Variants in FSIP1 observed in about 807,000 individuals in gnomAD.
FSIP1 encodes fibrous sheath-interacting protein 1.
Under a neutral mutation model 60.9 loss-of-function variants are expected in FSIP1, and 65 were observed. That is an observed-to-expected ratio of 1.07 (90% CI 0.87 to 1.31). FSIP1 has a LOEUF of 1.31. FSIP1 is among the 40% of genes most tolerant of loss of function. FSIP1 has a pLI of 0.00. For synonymous variants in FSIP1, 209 were observed against 221.2 expected (o/e 0.94, Z 0.49); for missense variants, 675 against 665.5 (o/e 1.01, Z -0.16).
intron 11 of FSIP1, among the ~76,000 whole-genome samples, chr15:39,615,654 G>A (rs888514194): frequency 1.3e-5 from 2 of 151,386 alleles, no homozygotes; most frequent in African/African-American, 4.9e-5. Context: ...TTGGGAGGCC[G>A]AGGTGGGCAG....
At chr15:39,684,964 A>C (rs1220346830) in intron 10 of FSIP1, among the ~76,000 whole-genome samples, 1 of 152,210 alleles carries the variant, frequency 6.6e-6, no homozygotes, top group African/African-American at 2.4e-5. Context: ...AAACACAGGC[A>C]ATCTGGCTCC....
At chr15:39,615,197 A>T in intron 11 of FSIP1, among the ~76,000 whole-genome samples, 1 of 152,230 alleles carries the variant, frequency 6.6e-6, no homozygotes, top group Non-Finnish European at 1.5e-5. Context: ...GCTCCATGAC[A>T]TTGGTCTGAG....
intron 9 of FSIP1, among the ~76,000 whole-genome samples, chr15:39,724,451 A>G (rs1271426144): frequency 2.6e-5 from 4 of 151,986 alleles, no homozygotes; most frequent in Non-Finnish European, 5.9e-5. Flanking sequence ...ACAGGGTTGC[A>G]CCGTGTTAGC....
chr15:39,654,447 T>C (rs1892994915), intron 10 of FSIP1, among the ~76,000 whole-genome samples: 1 of 152,248 alleles, frequency 6.6e-6, no homozygotes, highest in Non-Finnish European at 1.5e-5. Flanking sequence ...GTATATGCAG[T>C]ACTTCAATGA....
At chr15:39,679,783 T>C (rs762574444) in intron 10 of FSIP1, among the ~76,000 whole-genome samples, 10 of 152,234 alleles carry the variant, frequency 6.6e-5, no homozygotes, top group Non-Finnish European at 1.5e-5. Flanking sequence ...AACAACATTA[T>C]CACAAACAAC....
At chr15:39,701,029 G>A (rs1053868265) in intron 10 of FSIP1, among the ~76,000 whole-genome samples, 2 of 152,168 alleles carry the variant, frequency 1.3e-5, no homozygotes, top group African/African-American at 4.8e-5. Flanking sequence ...GTGCGTGCCT[G>A]TAGTCCCAGC....
At chr15:39,628,668 G>A (rs1026890735) in intron 10 of FSIP1, among the ~76,000 whole-genome samples, 6 of 152,184 alleles carry the variant, frequency 3.9e-5, no homozygotes, top group Non-Finnish European at 7.3e-5. Context: ...CTCTCTGAAA[G>A]CAATAGAAAG....
At chr15:39,773,759 G>GTA (rs1566922608) in intron 2 of FSIP1, among the ~76,000 whole-genome samples, 1 of 152,158 alleles carries the variant, frequency 6.6e-6, no homozygotes, top group Non-Finnish European at 1.5e-5. Context: ...AAAAGCCAGC[G>GTA]TGAAAAGCTA....
rs79748509 is a variant in FSIP1 at position 39,652,584 on chromosome 15, T to C, written c.1189-34339A>G. The stretch of plus-strand genomic sequence containing the variant: ...TTTTCTTAATCTTGGATCCTACTTA[T>C]CTAAGCAGGCTTCCTTTCTACTGGA... On this transcript the variant is annotated intron_variant, in intron 10 of 11. Transcript: ENST00000350221. 3.3e-3 allele frequency among the ~76,000 whole-genome samples: 508 copies of C among 152,374 alleles called. 1 individual carries two copies. Among genetic ancestry groups the C allele is most frequent in the East Asian group, 0.011 (56 of 5,190 alleles).
intron 10 of FSIP1, among the ~76,000 whole-genome samples, chr15:39,618,546 A>C (rs963260554): frequency 3.3e-5 from 5 of 152,306 alleles, no homozygotes; most frequent in South Asian, 4.1e-4. Context: ...CTGGGGATTC[A>C]GCACTCCCAT....
chr15:39,692,479 G>GA (rs1389150577), intron 10 of FSIP1, among the ~76,000 whole-genome samples: 2 of 151,654 alleles, frequency 1.3e-5, no homozygotes, highest in African/African-American at 2.4e-5. Flanking sequence ...AGCACTTTAG[G>GA]AAAAAAAATA....
At chr15:39,744,086 T>G (rs2140650933) in intron 5 of FSIP1, among the ~76,000 whole-genome samples, 1 of 152,290 alleles carries the variant, frequency 6.6e-6, no homozygotes, top group East Asian at 1.9e-4. Context: ...TAATCGTGCA[T>G]GTATGTGTGT....
chr15:39,715,887 C>T (rs371643997), intron 9 of FSIP1, among the ~76,000 whole-genome samples: 3 of 152,142 alleles, frequency 2.0e-5, no homozygotes, highest in East Asian at 3.9e-4. Flanking sequence ...TTGCTCTGGC[C>T]ATGTAAGAAG....
chr15:39,675,532 C>T (rs953504083), intron 10 of FSIP1, among the ~76,000 whole-genome samples: 1 of 152,122 alleles, frequency 6.6e-6, no homozygotes, highest in South Asian at 2.1e-4. Context: ...TGCACCACTG[C>T]ATACAAAAAT....
At chr15:39,654,250 T>A (rs1379268860) in intron 10 of FSIP1, among the ~76,000 whole-genome samples, 1 of 152,240 alleles carries the variant, frequency 6.6e-6, no homozygotes, top group Non-Finnish European at 1.5e-5. Flanking sequence ...ATTATCACTG[T>A]CAAGTACATA....
intron 10 of FSIP1, among the ~76,000 whole-genome samples, chr15:39,634,232 C>T (rs962643179): frequency 6.6e-6 from 1 of 152,310 alleles, no homozygotes; most frequent in Non-Finnish European, 1.5e-5. Context: ...AGGAAAAGCC[C>T]TCTTTTGATC....
intron 8 of FSIP1, among the ~76,000 whole-genome samples, chr15:39,737,212 C>A (rs1479756293): frequency 6.6e-6 from 1 of 152,138 alleles, no homozygotes; most frequent in Non-Finnish European, 1.5e-5. Flanking sequence ...TGGGCCACAG[C>A]ACTCTTTAGG....
At chr15:39,727,674 T>C (rs191150596) in intron 8 of FSIP1, among the ~76,000 whole-genome samples, 1 of 152,244 alleles carries the variant, frequency 6.6e-6, no homozygotes, top group Admixed American at 6.5e-5. Flanking sequence ...GAGATAATTT[T>C]ATGGAAGAGT....
At chr15:39,639,402 C>T (rs1469721601) in intron 10 of FSIP1, among the ~76,000 whole-genome samples, 2 of 151,940 alleles carry the variant, frequency 1.3e-5, no homozygotes, top group Non-Finnish European at 1.5e-5. Context: ...TCTAGGAAAC[C>T]ACAAGCTTGG....
Sources: gnomAD v4.1 joint callset for allele counts (sites outside exome capture counted in the v4.1 genomes callset) on GRCh38, gnomAD v4.1.1 for gene constraint, MANE v1.5 for transcripts, NCBI Gene and HGNC (gene_info 2026-07-23, HGNC 2026-07-21) for gene names.